Variants in NCALD observed in about 807,000 individuals in gnomAD.
The protein encoded by NCALD is neurocalcin-delta.
NCALD carries 10 observed loss-of-function variants against 18.6 expected under a neutral mutation model. The observed-to-expected ratio is 0.54, with a 90% CI of 0.33 to 0.91. The LOEUF is 0.91. NCALD is among the 40% of genes least tolerant of loss of function. The pLI, the probability that NCALD is intolerant of heterozygous loss-of-function variation, is 0.03. For missense variants in NCALD, 184 were observed against 247.6 expected (o/e 0.74, Z 1.72); for synonymous variants, 88 against 87.4 (o/e 1.01, Z -0.04).
chr8:101,702,401 A>AT (rs532823068), intron 2 of NCALD, among the ~76,000 whole-genome samples: 27 of 150,996 alleles, frequency 1.8e-4, no homozygotes, highest in Non-Finnish European at 3.1e-4. Flanking sequence ...ACACTGGGTA[A>AT]TTTTTTTTTG....
At chr8:101,718,426 T>C (rs1816188847) in intron 2 of NCALD, among the ~76,000 whole-genome samples, 1 of 152,134 alleles carries the variant, frequency 6.6e-6, no homozygotes, top group South Asian at 2.1e-4. Context: ...TTTCACAAAC[T>C]GGATTCCACA....
chr8:102,082,341 C>G (rs1380594320), intron 1 of NCALD, among the ~76,000 whole-genome samples: 2 of 147,206 alleles, frequency 1.4e-5, no homozygotes, highest in Non-Finnish European at 3.0e-5. Flanking sequence ...TCACGCCATT[C>G]TCCTGCCTCA....
At chr8:101,999,359 G>C (rs560714391) in intron 2 of NCALD, among the ~76,000 whole-genome samples, 1 of 152,238 alleles carries the variant, frequency 6.6e-6, no homozygotes, top group African/African-American at 2.4e-5. Flanking sequence ...ATGAAGTAAT[G>C]GCATTCACAG....
intron 4 of NCALD, among the ~76,000 whole-genome samples, chr8:101,880,520 C>T (rs368689892): frequency 3.3e-5 from 5 of 152,206 alleles, no homozygotes; most frequent in African/African-American, 9.6e-5. Flanking sequence ...GCCAAGGAGG[C>T]GCTGAGAGTG....
At chr8:101,980,673 CA>C (rs1820587460) in intron 2 of NCALD, among the ~76,000 whole-genome samples, 1 of 152,072 alleles carries the variant, frequency 6.6e-6, no homozygotes, top group African/African-American at 2.4e-5. Context: ...GGAAAGAATT[CA>C]AATAGAAGCT....
chr8:102,108,622 T>C (rs184081876), intron 1 of NCALD, among the ~76,000 whole-genome samples: 1 of 152,342 alleles, frequency 6.6e-6, no homozygotes, highest in East Asian at 1.9e-4. Context: ...TAGCAGGAGC[T>C]ACAACAATAC....
chr8:102,040,351 G>C (rs1347073979), intron 1 of NCALD, among the ~76,000 whole-genome samples: 1 of 152,026 alleles, frequency 6.6e-6, no homozygotes, highest in African/African-American at 2.4e-5. Flanking sequence ...GTGCGTGCCT[G>C]TAATCCCAGC....
At position 101,719,407 on chromosome 8, in the gene NCALD, T is replaced by C. The variant is rs1816246812; in HGVS notation, c.223A>G (p.Asn75Asp). Reference protein sequence around the residue: ...AEHVFRTFDANGDGTIDFREF... With the variant: ...AEHVFRTFDADGDGTIDFREF... The stretch of plus-strand genomic sequence containing the variant: ...CTAAAGTCTATTGTCCCATCTCCAT[T>C]TGCATCGAAGGTGCGGAAGACATGC... The change falls in exon 2 of 4, where the codon AAT becomes GAT. Residue 75 changes from asparagine to aspartate, a missense_variant. Physicochemically the swap from Asn to Asp is conservative, Grantham distance 23. Coordinates refer to ENST00000220931, the MANE Select transcript of NCALD (RefSeq NM_032041.3). 6.2e-7 allele frequency: 1 copy of C among 1,614,100 alleles called. No individual in the cohort carries two copies. Among genetic ancestry groups the C allele is most frequent in the African/African-American group, 1.3e-5 (1 of 74,930 alleles).
intron 4 of NCALD, among the ~76,000 whole-genome samples, chr8:101,870,585 C>G (rs1377083994): frequency 1.3e-5 from 2 of 152,190 alleles, no homozygotes; most frequent in African/African-American, 2.4e-5. Context: ...GTGGCCCACA[C>G]CCATGCAGTG....
intron 3 of NCALD, among the ~76,000 whole-genome samples, chr8:101,901,247 G>GAAT (rs1817409808): frequency 6.6e-6 from 1 of 151,252 alleles, no homozygotes; most frequent in African/African-American, 2.4e-5. Context: ...TATCTGACAG[G>GAAT]AATTTCCTAT....
chr8:101,830,370 G>A (rs571935150), intron 4 of NCALD, among the ~76,000 whole-genome samples: 4 of 152,240 alleles, frequency 2.6e-5, no homozygotes, highest in South Asian at 2.1e-4. Flanking sequence ...TGTCCAGCCT[G>A]GCCAACATAG....
At chr8:102,004,866 TACAAAAA>T (rs1190920505) in intron 2 of NCALD, among the ~76,000 whole-genome samples, 1 of 152,160 alleles carries the variant, frequency 6.6e-6, no homozygotes, top group Non-Finnish European at 1.5e-5. Flanking sequence ...TTACACCTTA[TACAAAAA>T]TCAATTCAAG....
intron 2 of NCALD, among the ~76,000 whole-genome samples, chr8:102,001,871 G>A (rs561580010): frequency 9.9e-5 from 15 of 152,258 alleles, no homozygotes; most frequent in South Asian, 8.3e-4. Flanking sequence ...GAGCTCCTGA[G>A]GGAAGCACTA....
intron 4 of NCALD, among the ~76,000 whole-genome samples, chr8:101,828,188 C>A (rs1489866834): frequency 3.3e-5 from 5 of 152,158 alleles, no homozygotes; most frequent in Non-Finnish European, 7.3e-5. Flanking sequence ...CCAGAACAAC[C>A]CTGTTAAAAC....
chr8:101,774,945 T>C (rs1232743558), intron 1 of NCALD, among the ~76,000 whole-genome samples: 1 of 152,194 alleles, frequency 6.6e-6, no homozygotes, highest in Non-Finnish European at 1.5e-5. Flanking sequence ...ACAGCCTCAA[T>C]CTTTTGGGCA....
rs67447416 is a variant in NCALD, at chr8:102,107,195, C to CATATAT, written c.-210+17036_-210+17041dup. 6.7e-3 allele frequency among the ~76,000 whole-genome samples: 594 copies of CATATAT among 89,182 alleles called. 14 individuals carry two copies. Among genetic ancestry groups the CATATAT allele is most frequent in the Non-Finnish European group, 7.2e-3 (340 of 47,142 alleles). The allele number at this position is 89,182 out of a possible 152,430, so 58.5% of individuals were successfully genotyped here. ...TATCTACAGCCTATATATGTGTGTA[C>CATATAT]ATATATATATATATATATATATATA... is the stretch of plus-strand genomic sequence containing the variant. On this transcript the variant is annotated intron_variant, in intron 1 of 6. Transcript: ENST00000311028.
rs751389070 is a variant in NCALD at position 102,003,133 on chromosome 8, C to T, written c.-157+17104G>A. On this transcript the variant is annotated intron_variant, in intron 2 of 6. Transcript: ENST00000311028. ...ATCAACAAAATTGATAGACCACTAG[C>T]AAGACTAATAAAGAAGACAAGAGAG... is the stretch of plus-strand genomic sequence containing the variant. Among the ~76,000 whole-genome samples, 66 of 152,028 alleles carry T rather than the reference C, an allele frequency of 4.3e-4. 1 individual carries two copies. The highest frequency in any genetic ancestry group is 3.4e-3 in the Middle Eastern group (1 of 292).
chr8:102,068,407 G>T (rs537299466), intron 1 of NCALD, among the ~76,000 whole-genome samples: 1 of 152,268 alleles, frequency 6.6e-6, no homozygotes, highest in African/African-American at 2.4e-5. Flanking sequence ...TGTTTCTTGC[G>T]TAGGCCACGC....
At chr8:102,007,077 A>G (rs1346025214) in intron 2 of NCALD, among the ~76,000 whole-genome samples, 1 of 152,208 alleles carries the variant, frequency 6.6e-6, no homozygotes, top group Non-Finnish European at 1.5e-5. Context: ...AGACTAAAAA[A>G]CTATCGCAGA....
Sources: gnomAD v4.1 joint callset for allele counts (sites outside exome capture counted in the v4.1 genomes callset) on GRCh38, gnomAD v4.1.1 for gene constraint, MANE v1.5 for transcripts, NCBI Gene and HGNC (gene_info 2026-07-23, HGNC 2026-07-21) for gene names.